TSEN2: variants seen among roughly 807,000 people sequenced by gnomAD.
TSEN2 encodes tRNA splicing endonuclease subunit 2.
A neutral mutation model predicts 59.2 loss-of-function variants in TSEN2; 54 were observed. That is an observed-to-expected ratio of 0.91 (90% CI 0.73 to 1.14). The LOEUF (loss-of-function observed/expected upper bound fraction) is 1.14. TSEN2 is among the 50% of genes most tolerant of loss of function. The pLI is 0.00. For missense variants in TSEN2, 636 were observed against 576.2 expected, an observed-to-expected ratio of 1.10 and a Z score of -1.06; for synonymous variants, 195 against 198.2, an observed-to-expected ratio of 0.98 and a Z score of 0.14.
chr3:12,483,329 G>A (rs1231954787), upstream of TSEN2, among the ~76,000 whole-genome samples: 1 of 152,190 alleles, frequency 6.6e-6, no homozygotes, highest in Non-Finnish European at 1.5e-5. Context: ...TGAGGTAAGT[G>A]AGCTGAGATG....
intron 1 of TSEN2, among the ~76,000 whole-genome samples, chr3:12,486,780 C>T (rs1297491051): frequency 6.6e-6 from 1 of 152,138 alleles, no homozygotes; most frequent in Non-Finnish European, 1.5e-5. Context: ...TTGTCTATTC[C>T]GGAAACTTTA....
Position 12,484,547 on chromosome 3 carries a change from C to T in TSEN2, c.-351C>T, listed in dbSNP as rs898617288. ...GGGCCCTGGGCGAGGAAAGCGCGGCCCTTTCCGAGTTTGGTGTTTTGCAGC... is the reference window on the plus strand; with the variant it reads ...GGGCCCTGGGCGAGGAAAGCGCGGCTCTTTCCGAGTTTGGTGTTTTGCAGC... On this transcript the variant is annotated 5_prime_UTR_variant, in exon 1 of 12. Transcript: ENST00000284995. 6.6e-6 allele frequency: 1 copy of T among 152,322 alleles called. No homozygotes were observed. The highest frequency in any genetic ancestry group is 6.5e-5 in the Admixed American group (1 of 15,294). 9.4% of individuals were successfully genotyped at this position (152,322 alleles called of 1,614,324 possible).
At chr3:12,485,347 G>T (rs1231976119) in intron 1 of TSEN2, among the ~76,000 whole-genome samples, 1 of 152,178 alleles carries the variant, frequency 6.6e-6, no homozygotes, top group East Asian at 1.9e-4. Context: ...CTCGAGGGAA[G>T]AATAAGAAAC....
In TSEN2 at chr3:12,532,651, A is replaced by G; in HGVS notation, c.1339-11A>G. The G allele has an allele frequency of 6.2e-7, 1 of 1,612,416 alleles. No individual in the cohort carries two copies. On this transcript the variant is annotated splice_polypyrimidine_tract_variant and intron_variant, in intron 11 of 11. Transcript: ENST00000284995. ...GTTTTAAGAAATGGTCTTTTTTTTT[A>G]TTGGTTGTAGGAGGTGATTCTGAGT...
chr3:12,537,243 T>TA (rs750718966), downstream of TSEN2, among the ~76,000 whole-genome samples: 16 of 152,034 alleles, frequency 1.1e-4, 1 homozygote, highest in Admixed American at 7.9e-4. Context: ...CAAATAATTT[T>TA]AAAAAATTAG....
At chr3:12,490,361 C>T (rs529903957) in intron 2 of TSEN2, among the ~76,000 whole-genome samples, 14 of 152,300 alleles carry the variant, frequency 9.2e-5, no homozygotes, top group Admixed American at 7.8e-4. Context: ...ACTCCCATCC[C>T]GTTCCCAGAG....
intron 4 of TSEN2, among the ~76,000 whole-genome samples, chr3:12,499,379 GT>G (rs1439557015): frequency 2.6e-5 from 4 of 152,180 alleles, no homozygotes; most frequent in African/African-American, 9.7e-5. Flanking sequence ...CCTAGTCCCT[GT>G]TCTTGAAGGA....
intron 9 of TSEN2, 98 bp from the exon 10 acceptor site, chr3:12,529,664 T>C: frequency 1.8e-6 from 2 of 1,108,080 alleles, no homozygotes; most frequent in East Asian, 2.5e-5. Context: ...ATGATGCAAA[T>C]TTCATTTTCT....
intron 8 of TSEN2, among the ~76,000 whole-genome samples, chr3:12,520,355 A>G (rs1453230910): frequency 2.6e-5 from 4 of 152,228 alleles, no homozygotes; most frequent in Non-Finnish European, 4.4e-5. Context: ...GTCATTGCCC[A>G]TAATAGTTTC....
chr3:12,509,326 G>A (rs993558087), intron 6 of TSEN2, among the ~76,000 whole-genome samples: 1 of 151,550 alleles, frequency 6.6e-6, no homozygotes, highest in African/African-American at 2.4e-5. Flanking sequence ...TCAGCCTCCT[G>A]GTAGCTGGAA....
rs139755733 is a variant in TSEN2 at position 12,503,476 on chromosome 3, G to A, written c.523G>A (p.Gly175Arg). The change falls in exon 5 of 12, where the codon GGG becomes AGG. Residue 175 changes from glycine to arginine, a missense_variant. Gly to Arg is a moderately radical substitution (Grantham distance 125). Transcript: ENST00000284995. ...AGGERPSVVN[G>R]DSGKSGGVGD... The stretch of plus-strand genomic sequence containing the variant: ...GGGAGAGAGACCTTCTGTGGTAAAC[G>A]GGGACTCTGGAAAGTCAGGTGGTGT... 1.2e-5 allele frequency: 19 copies of A among 1,614,050 alleles called. No homozygotes were observed. The highest frequency in any genetic ancestry group is 2.2e-5 in the East Asian group (1 of 44,898).
chr3:12,496,214 C>A (rs1270330562), intron 3 of TSEN2, among the ~76,000 whole-genome samples: 1 of 152,228 alleles, frequency 6.6e-6, no homozygotes, highest in Non-Finnish European at 1.5e-5. Flanking sequence ...AATGAGCATT[C>A]AGCCATGGCA....
At chr3:12,523,326 TC>T (rs2056797660) in intron 8 of TSEN2, among the ~76,000 whole-genome samples, 1 of 151,958 alleles carries the variant, frequency 6.6e-6, no homozygotes, top group Non-Finnish European at 1.5e-5. Flanking sequence ...CAATTTGAAG[TC>T]CCAGCACAGA....
chr3:12,524,739 C>CTTTT (rs746602626), intron 8 of TSEN2, among the ~76,000 whole-genome samples: 45 of 131,764 alleles, frequency 3.4e-4, no homozygotes, highest in East Asian at 4.3e-4. Context: ...TCTTTGGTCT[C>CTTTT]TTTTTTTTTT....
rs1189906352 is a variant in TSEN2, at chr3:12,519,138, A to G, written c.1040A>G (p.His347Arg). The G allele has an allele frequency of 1.9e-6, 3 of 1,614,252 alleles. No homozygotes were observed. Among genetic ancestry groups the G allele is most frequent in the African/African-American group, 1.3e-5 (1 of 75,068 alleles). The change falls in exon 8 of 12, where the codon CAT (histidine) becomes CGT (arginine). Residue 347 changes from histidine (H) to arginine (R), a missense_variant. Transcript: ENST00000284995. ...TTCAGAACCACCTACATGGCCTACC[A>G]TTACTTTCGAAGCAAGGGCTGGGTG... ...PTFRTTYMAY[H>R]YFRSKGWVPK...
chr3:12,525,987 G>A (rs920428335), intron 8 of TSEN2, among the ~76,000 whole-genome samples: 3 of 152,050 alleles, frequency 2.0e-5, no homozygotes, highest in Non-Finnish European at 4.4e-5. Flanking sequence ...ATGGGACCAC[G>A]GTCATATCCA....
chr3:12,525,403 ATAATC>A (rs1483244633), intron 8 of TSEN2, among the ~76,000 whole-genome samples: 4 of 152,260 alleles, frequency 2.6e-5, no homozygotes, highest in African/African-American at 9.6e-5. Context: ...TACCATAAGT[ATAATC>A]TAATAATTAT....
At chr3:12,509,017 C>T (rs879273494) in intron 6 of TSEN2, among the ~76,000 whole-genome samples, 3 of 152,078 alleles carry the variant, frequency 2.0e-5, no homozygotes, top group Admixed American at 2.0e-4. Context: ...CATGCTACAC[C>T]ATGTCTGGCT....
rs181137830 is a variant in TSEN2 at position 12,511,637 on chromosome 3, G to A, written c.910-4974G>A. 3.2e-3 allele frequency among the ~76,000 whole-genome samples: 484 copies of A among 150,396 alleles called. 4 individuals are homozygous for A. The highest frequency in any genetic ancestry group is 2.7e-3 in the Non-Finnish European group (183 of 67,848). On this transcript the variant is annotated intron_variant, in intron 6 of 11. Transcript: ENST00000284995. ...GCTGCAGTGCAGTGGTACAATATTG[G>A]CTCACTGCAGCCTCAGTCTCCTGAG... is the stretch of plus-strand genomic sequence containing the variant.
Sources: allele counts gnomAD v4.1 joint callset (sites outside exome capture counted in the v4.1 genomes callset), GRCh38; gene constraint gnomAD v4.1.1; transcripts MANE v1.5; gene names NCBI Gene and HGNC (gene_info 2026-07-23, HGNC 2026-07-21).